CCDC3: variants seen among roughly 807,000 people sequenced by gnomAD.
CCDC3 encodes the protein coiled-coil domain containing 3.
Under a neutral mutation model 21.4 loss-of-function variants are expected in CCDC3, and 24 were observed. The observed-to-expected ratio is 1.12, with a 90% confidence interval of 0.81 to 1.58. The LOEUF (loss-of-function observed/expected upper bound fraction) is 1.58, where lower values mean the gene tolerates loss of function less well. Among genes scored for constraint, CCDC3 ranks in the 40% most tolerant of loss-of-function variants. The pLI is 0.00. For synonymous variants in CCDC3, 186 were observed against 166.0 expected (o/e 1.12, Z -0.93); for missense variants, 425 against 360.9 (o/e 1.18, Z -1.44).
At position 13,001,702 on chromosome 10, in the gene CCDC3, G is replaced by C. The variant is rs1002886083; in HGVS notation, c.-132C>G. 204 of 561,918 alleles carry C rather than the reference G, an allele frequency of 3.6e-4. 1 individual carries two copies. Among genetic ancestry groups the C allele is most frequent in the Non-Finnish European group, 4.3e-4 (189 of 435,754 alleles). The allele number at this position is 561,918 out of a possible 1,614,324, so 34.8% of individuals were successfully genotyped here. A position where few individuals can be genotyped will look rare whatever the true frequency, so the allele number is the denominator to read the frequency against. On this transcript the variant is annotated 5_prime_UTR_variant, in exon 1 of 3. Transcript: ENST00000378825. ...CTGAGCGCACCGCTGTCTCCGCCACGGGGCTCGGCATGCCCGGCCCTGGCG... is the reference window on the plus strand; with the variant it reads ...CTGAGCGCACCGCTGTCTCCGCCACCGGGCTCGGCATGCCCGGCCCTGGCG...
intron 4 of CCDC3, among the ~76,000 whole-genome samples, chr10:13,066,687 T>C (rs1265009567): frequency 1.3e-5 from 2 of 152,070 alleles, no homozygotes; most frequent in South Asian, 2.1e-4. Flanking sequence ...GATGCTTTTG[T>C]GCAGATGAGG....
intron 2 of CCDC3, among the ~76,000 whole-genome samples, chr10:12,928,058 C>T (rs1056072224): frequency 3.3e-5 from 5 of 152,176 alleles, no homozygotes; most frequent in African/African-American, 1.2e-4. Context: ...TGCAGGTGTG[C>T]ACACCCAGGG....
intron 2 of CCDC3, among the ~76,000 whole-genome samples, chr10:12,982,564 T>C (rs560877798): frequency 2.0e-5 from 3 of 150,594 alleles, no homozygotes; most frequent in South Asian, 4.2e-4. Context: ...GAGGCCGAGG[T>C]GGGTGGATCA....
chr10:12,999,700 G>A (rs1304956178), intron 1 of CCDC3, among the ~76,000 whole-genome samples: 7 of 152,168 alleles, frequency 4.6e-5, no homozygotes, highest in Non-Finnish European at 8.8e-5. Flanking sequence ...TGAGCACCAC[G>A]GAACTATTGG....
chr10:13,052,808 T>C (rs563321352), intron 4 of CCDC3, among the ~76,000 whole-genome samples: 112 of 152,014 alleles, frequency 7.4e-4, no homozygotes, highest in Non-Finnish European at 1.4e-3. Context: ...GATGTGGTGG[T>C]GCATGCCTAT....
At chr10:13,052,181 C>T (rs1006802082) in intron 4 of CCDC3, among the ~76,000 whole-genome samples, 5 of 152,108 alleles carry the variant, frequency 3.3e-5, no homozygotes, top group African/African-American at 1.2e-4. Flanking sequence ...CTAGACCAGC[C>T]TGGGCAACAT....
intron 5 of CCDC3, among the ~76,000 whole-genome samples, chr10:13,009,108 A>G (rs184347502): frequency 1.2e-4 from 18 of 152,352 alleles, no homozygotes; most frequent in African/African-American, 4.3e-4. Flanking sequence ...ACAAAAATCA[A>G]TTGTATTCTC....
At chr10:12,912,527 G>A (rs1365360140) in intron 2 of CCDC3, among the ~76,000 whole-genome samples, 1 of 152,104 alleles carries the variant, frequency 6.6e-6, no homozygotes, top group East Asian at 1.9e-4. Context: ...CTTATCAGAT[G>A]TGTGGTGTGT....
chr10:12,980,933 C>T (rs572874555), intron 2 of CCDC3, among the ~76,000 whole-genome samples: 3 of 152,350 alleles, frequency 2.0e-5, no homozygotes, highest in East Asian at 3.9e-4. Context: ...TACTCTGGCA[C>T]ATTGCCATAA....
intron 3 of CCDC3, among the ~76,000 whole-genome samples, chr10:13,074,546 T>G (rs978928301): frequency 6.6e-6 from 1 of 151,806 alleles, no homozygotes; most frequent in Admixed American, 6.6e-5. Context: ...CCAGCTCTCA[T>G]GCTCACTTGA....
At chr10:13,032,611 T>G (rs1292688410) in intron 5 of CCDC3, among the ~76,000 whole-genome samples, 1 of 152,084 alleles carries the variant, frequency 6.6e-6, no homozygotes, top group Admixed American at 6.6e-5. Context: ...CAGCCCAAAA[T>G]CTCCTTAAGC....
chr10:12,957,957 A>G (rs1206597331), intron 2 of CCDC3, among the ~76,000 whole-genome samples: 1 of 151,974 alleles, frequency 6.6e-6, no homozygotes, highest in Non-Finnish European at 1.5e-5. Context: ...AGCCTCCCAA[A>G]TAGGTGGAAC....
intron 2 of CCDC3, among the ~76,000 whole-genome samples, chr10:12,994,136 G>A (rs534319481): frequency 2.6e-5 from 4 of 152,124 alleles, no homozygotes; most frequent in Admixed American, 6.6e-5. Flanking sequence ...GGTGGCTCAC[G>A]CCTGTAATCC....
chr10:12,919,290 C>A (rs544754034), intron 2 of CCDC3, among the ~76,000 whole-genome samples: 1 of 151,770 alleles, frequency 6.6e-6, no homozygotes, highest in Non-Finnish European at 1.5e-5. Flanking sequence ...GCTTGTGTAA[C>A]TAGAAATGAG....
intron 4 of CCDC3, among the ~76,000 whole-genome samples, chr10:13,063,691 G>A (rs1194165661): frequency 2.6e-5 from 4 of 152,150 alleles, no homozygotes; most frequent in East Asian, 1.9e-4. Context: ...ACAAACTCAT[G>A]GAAACTCTGG....
chr10:13,074,325 A>ATTTTTTTTT (rs543893110), intron 3 of CCDC3, among the ~76,000 whole-genome samples: 1 of 62,828 alleles, frequency 1.6e-5, no homozygotes, highest in African/African-American at 6.4e-5. Context: ...ATCCCGGCTA[A>ATTTTTTTTT]TTTTTTTTTT....
intron 2 of CCDC3, among the ~76,000 whole-genome samples, chr10:12,930,350 T>C (rs1834619590): frequency 6.6e-6 from 1 of 152,184 alleles, no homozygotes; most frequent in Non-Finnish European, 1.5e-5. Flanking sequence ...TAATCAGATA[T>C]TATTTTGAGG....
At chr10:12,944,907 A>G (rs1216449578) in intron 2 of CCDC3, among the ~76,000 whole-genome samples, 1 of 152,226 alleles carries the variant, frequency 6.6e-6, no homozygotes, top group African/African-American at 2.4e-5. Flanking sequence ...GGTCTTCCCT[A>G]TACTAGAAGG....
chr10:13,049,055 G>A (rs1836569406), intron 5 of CCDC3, among the ~76,000 whole-genome samples: 1 of 152,164 alleles, frequency 6.6e-6, no homozygotes, highest in Non-Finnish European at 1.5e-5. Context: ...CAGATCACCT[G>A]ACTCGATACA....
Sources: allele counts gnomAD v4.1 joint callset (sites outside exome capture counted in the v4.1 genomes callset), GRCh38; gene constraint gnomAD v4.1.1; transcripts MANE v1.5; gene names NCBI Gene and HGNC (gene_info 2026-07-23, HGNC 2026-07-21).